The following CNTLN variants were observed in gnomAD, a reference collection of about 807,000 sequenced individuals.
The protein encoded by CNTLN is centlein, also known as centlein, centrosomal protein.
CNTLN carries 212 observed loss-of-function variants against 180.0 expected under a neutral mutation model. The ratio of observed to expected loss-of-function variants is 1.18; its 90% CI spans 1.05 to 1.32. CNTLN has a LOEUF of 1.32. CNTLN is among the 40% of genes most tolerant of loss of function. The pLI is 0.00. For synonymous variants in CNTLN, 722 were observed against 563.1 expected, an observed-to-expected ratio of 1.28 and a Z score of -3.99; for missense variants, 2,095 against 1,610.9, an observed-to-expected ratio of 1.30 and a Z score of -5.14.
chr9:17,190,011 A>T (rs913754893), intron 2 of CNTLN, among the ~76,000 whole-genome samples: 1 of 151,438 alleles, frequency 6.6e-6, no homozygotes, highest in Non-Finnish European at 1.5e-5. Flanking sequence ...CTCTCTCTCA[A>T]TGCAGCTCCA....
At chr9:17,172,555 C>G (rs1820484580) in intron 2 of CNTLN, among the ~76,000 whole-genome samples, 1 of 152,058 alleles carries the variant, frequency 6.6e-6, no homozygotes, top group Admixed American at 6.6e-5. Flanking sequence ...AAGACGAAGG[C>G]TGGTATTTCT....
At chr9:17,148,223 TATC>T (rs1442360474) in intron 2 of CNTLN, among the ~76,000 whole-genome samples, 2 of 152,226 alleles carry the variant, frequency 1.3e-5, no homozygotes, top group African/African-American at 4.8e-5. Flanking sequence ...AAATCCTAGA[TATC>T]ATGCTATTTT....
chr9:17,208,891 A>G (rs1248707172), intron 2 of CNTLN, among the ~76,000 whole-genome samples: 1 of 151,894 alleles, frequency 6.6e-6, no homozygotes, highest in Non-Finnish European at 1.5e-5. Context: ...AATGTTATGT[A>G]TCTTTTCAAA....
intron 18 of CNTLN, among the ~76,000 whole-genome samples, chr9:17,434,085 T>G (rs1721728154): frequency 6.6e-6 from 1 of 152,176 alleles, no homozygotes; most frequent in East Asian, 1.9e-4. Flanking sequence ...AACTGCAAGA[T>G]CTGTAGTGAT....
chr9:17,427,392 G>T (rs1829157430), intron 18 of CNTLN, among the ~76,000 whole-genome samples: 2 of 150,912 alleles, frequency 1.3e-5, no homozygotes, highest in South Asian at 4.2e-4. Context: ...CTTCCAGACT[G>T]CCAATCTTTA....
intron 2 of CNTLN, among the ~76,000 whole-genome samples, chr9:17,219,612 C>T (rs969150799): frequency 2.0e-5 from 3 of 151,830 alleles, no homozygotes; most frequent in African/African-American, 7.3e-5. Context: ...ACTTATGACC[C>T]ATTTTTTCAA....
chr9:17,527,160 G>A, the CNTLN span, among the ~76,000 whole-genome samples: 1 of 152,070 alleles, frequency 6.6e-6, no homozygotes, highest in African/African-American at 2.4e-5. Flanking sequence ...TGGGATTACA[G>A]GTATGAGCCA....
intron 13 of CNTLN, among the ~76,000 whole-genome samples, chr9:17,381,037 C>G (rs1278620370): frequency 6.6e-6 from 1 of 152,210 alleles, no homozygotes; most frequent in Non-Finnish European, 1.5e-5. Flanking sequence ...TTATTAAATA[C>G]AGCCAACAAC....
At chr9:17,306,270 C>T (rs1818707183) in intron 7 of CNTLN, among the ~76,000 whole-genome samples, 1 of 151,870 alleles carries the variant, frequency 6.6e-6, no homozygotes, top group Admixed American at 6.6e-5. Context: ...CTGCCTCAGC[C>T]TCCCGAGTAG....
At chr9:17,289,172 C>T (rs1297161918) in intron 6 of CNTLN, among the ~76,000 whole-genome samples, 1 of 115,696 alleles carries the variant, frequency 8.6e-6, no homozygotes, top group African/African-American at 4.1e-5. Context: ...ATGTTTAGCG[C>T]TTCCTTCAGG....
chr9:17,401,514 A>T (rs113239407), intron 15 of CNTLN, among the ~76,000 whole-genome samples: 17 of 151,852 alleles, frequency 1.1e-4, no homozygotes, highest in African/African-American at 3.9e-4. Context: ...CTGAGACTAC[A>T]GCACGTGCTA....
chr9:17,445,561 G>C (rs1830358540), intron 18 of CNTLN, among the ~76,000 whole-genome samples: 1 of 152,200 alleles, frequency 6.6e-6, no homozygotes, highest in African/African-American at 2.4e-5. Context: ...TGCGGTGCAA[G>C]ATGTGCTTTG....
At chr9:17,157,505 T>C (rs561889188) in intron 2 of CNTLN, among the ~76,000 whole-genome samples, 17 of 152,280 alleles carry the variant, frequency 1.1e-4, no homozygotes, top group African/African-American at 4.1e-4. Flanking sequence ...TAATTATCAA[T>C]TTGACTGGGC....
intron 8 of CNTLN, among the ~76,000 whole-genome samples, chr9:17,317,193 G>A (rs1819596542): frequency 6.6e-6 from 1 of 151,990 alleles, no homozygotes; most frequent in Non-Finnish European, 1.5e-5. Context: ...AATAATAGAT[G>A]GATACTGTTT....
rs773093657 is a variant in CNTLN, at chr9:17,484,380, C to A, written c.3941C>A (p.Ala1314Asp). 2 of 1,612,568 alleles carry A rather than the reference C, an allele frequency of 1.2e-6. No individual in the cohort carries two copies. Among genetic ancestry groups the A allele is most frequent in the Non-Finnish European group, 1.7e-6 (2 of 1,179,482 alleles). The part of the protein sequence containing the change: ...ELKKMKKNRD[A>D]CKTSTHKAQT... Reference sequence around the variant, plus strand: ...AAAAAAATGAAGAAAAACAGGGACGCCTGTAAAACCTCAACCCATAAAGCC... The same window carrying A: ...AAAAAAATGAAGAAAAACAGGGACGACTGTAAAACCTCAACCCATAAAGCC... Residue 1314 changes from alanine to aspartate, a missense_variant, in exon 24 of 26, where the codon GCC (alanine) becomes GAC (aspartate). Coordinates refer to ENST00000380647, the MANE Select transcript of CNTLN (RefSeq NM_017738.4).
chr9:17,351,481 T>C (rs1336177081), intron 12 of CNTLN, among the ~76,000 whole-genome samples: 1 of 152,230 alleles, frequency 6.6e-6, no homozygotes, highest in East Asian at 1.9e-4. Context: ...CCGTCCATTA[T>C]TCTAAATCTT....
rs114106578 is a variant in CNTLN at position 17,177,856 on chromosome 9, T to C, written c.449+34480T>C. Among the ~76,000 whole-genome samples the C allele has an allele frequency of 5.6e-3, 849 of 152,212 alleles. 6 individuals carry two copies. The highest frequency in any genetic ancestry group is 8.1e-3 in the Admixed American group (124 of 15,294). On this transcript the variant is annotated intron_variant, in intron 2 of 25. Transcript: ENST00000380647. ...TCCACAGTATGGAAGGGGACCTGAA[T>C]GGGTTGCCACTGCTGGCTCAGGCAG...
At chr9:17,406,841 C>T (rs1021128924) in intron 15 of CNTLN, among the ~76,000 whole-genome samples, 2 of 151,678 alleles carry the variant, frequency 1.3e-5, no homozygotes, top group East Asian at 1.9e-4. Context: ...CACTAAGACA[C>T]GTCTCCCTCC....
intron 2 of CNTLN, among the ~76,000 whole-genome samples, chr9:17,162,578 T>C (rs1375422659): frequency 6.6e-6 from 1 of 152,230 alleles, no homozygotes; most frequent in African/African-American, 2.4e-5. Flanking sequence ...ACTGGAATAG[T>C]GGTCTTCAGG....
Sources: allele counts gnomAD v4.1 joint callset (sites outside exome capture counted in the v4.1 genomes callset), GRCh38; gene constraint gnomAD v4.1.1; transcripts MANE v1.5; gene names NCBI Gene and HGNC (gene_info 2026-07-23, HGNC 2026-07-21).